The following HOOK2 variants were observed in gnomAD, a reference collection of about 807,000 sequenced individuals.
The protein encoded by HOOK2 is protein Hook homolog 2.
Under a neutral mutation model 111.9 loss-of-function variants are expected in HOOK2, and 108 were observed. The observed-to-expected ratio is 0.96, with a 90% confidence interval of 0.83 to 1.13. The LOEUF (loss-of-function observed/expected upper bound fraction) is 1.13, where lower values mean the gene tolerates loss of function less well. Ranked by LOEUF, HOOK2 falls within the 50% of genes most tolerant of loss-of-function variation. The pLI is 0.00. For missense variants in HOOK2, 978 were observed against 951.3 expected (o/e 1.03, Z -0.37); for synonymous variants, 405 against 394.3 (o/e 1.03, Z -0.32).
chr19:12,769,096 G>C (rs1968239766), intron 11 of HOOK2, among the ~76,000 whole-genome samples: 2 of 151,824 alleles, frequency 1.3e-5, no homozygotes, highest in African/African-American at 4.8e-5. Context: ...CTCCCGAGTA[G>C]CTGGGACTAC....
chr19:12,785,335 C>G (rs905968828), intron 3 of HOOK2, among the ~76,000 whole-genome samples: 5 of 151,472 alleles, frequency 3.3e-5, no homozygotes, highest in African/African-American at 9.7e-5. Flanking sequence ...TACACACATA[C>G]ATACAGACCA....
chr19:12,781,495 T>G (rs1015613776), upstream of HOOK2, among the ~76,000 whole-genome samples: 2 of 150,988 alleles, frequency 1.3e-5, no homozygotes, highest in Non-Finnish European at 3.0e-5. Flanking sequence ...CCTGGCTAAT[T>G]TTTTGTATTT....
chr19:12,784,108 G>A (rs1463986723), intron 3 of HOOK2, among the ~76,000 whole-genome samples: 1 of 152,172 alleles, frequency 6.6e-6, no homozygotes, highest in Non-Finnish European at 1.5e-5. Flanking sequence ...TGTGTCTCGG[G>A]AACATCCTGT....
Position 12,772,218 on chromosome 19 carries a change from G to A in HOOK2, c.491C>T (p.Pro164Leu). 1.2e-6 allele frequency: 2 copies of A among 1,613,926 alleles called. No individual in the cohort carries two copies. The highest frequency in any genetic ancestry group is 1.7e-6 in the Non-Finnish European group (2 of 1,179,784). ...GCTGTCAAAGTTGCCATACGTCTCT[G>A]GTGACAGGGAGTCAGGAGTGTCTTT... The part of the protein sequence containing the change: ...MTKDTPDSLS[P>L]ETYGNFDSQS... Residue 164 changes from proline (P) to leucine (L), a missense_variant, in exon 7 of 23, where the codon CCA (proline) becomes CTA (leucine). Pro to Leu is a moderately conservative substitution (Grantham distance 98, BLOSUM62 -3). Around this residue, in one of 5 missense-constraint regions of HOOK2, gnomAD observed 301 missense variants for 286.1 expected, o/e 1.05. Coordinates refer to ENST00000397668, the MANE Select transcript of HOOK2 (RefSeq NM_013312.3).
In HOOK2 at chr19:12,772,698, G is replaced by GCC; in HGVS notation, c.389-19_389-18insGG. 6.2e-7 allele frequency: 1 copy of GCC among 1,614,208 alleles called. No individual in the cohort carries two copies. ...GATGTGGTCTGGGGATCAAGGTGGG[G>GCC]GAGGCTGAGACCCAGGGGTGAGGTG... On this transcript the variant is annotated intron_variant, in intron 5 of 22. Transcript: ENST00000397668.
intron 11 of HOOK2, among the ~76,000 whole-genome samples, chr19:12,768,663 G>A (rs1276947182): frequency 6.6e-6 from 1 of 151,882 alleles, no homozygotes; most frequent in Admixed American, 6.6e-5. Flanking sequence ...GAAAACAGAT[G>A]GAATCTCGCT....
chr19:12,782,969 T>C (rs1321198621), upstream of HOOK2, among the ~76,000 whole-genome samples: 1 of 151,912 alleles, frequency 6.6e-6, no homozygotes, highest in Non-Finnish European at 1.5e-5. Context: ...ATCCTGCTTT[T>C]CCTCCAGCTG....
At chr19:12,773,930 T>C (rs1968412891) in intron 3 of HOOK2, 1 of 153,160 alleles carries the variant, frequency 6.5e-6, no homozygotes, top group Non-Finnish European at 1.5e-5. Context: ...ATCACGGCCT[T>C]TACATCTGCT....
At chr19:12,781,813 G>T (rs1026245654), upstream of HOOK2, among the ~76,000 whole-genome samples, 3 of 151,428 alleles carry the variant, frequency 2.0e-5, no homozygotes, top group Admixed American at 2.0e-4. Flanking sequence ...AAGCCCTGGT[G>T]TGCAAAACTG....
chr19:12,772,085 A>T lies in HOOK2; in HGVS notation c.519+105T>A, dbSNP rs993025237. The T allele has an allele frequency of 4.5e-6, 4 of 881,844 alleles. No individual in the cohort carries two copies. In the Admixed American group the frequency reaches 7.7e-5, roughly 17 times the overall value. The allele number at this position is 881,844 out of a possible 1,614,324, so 54.6% of individuals were successfully genotyped here. On this transcript the variant is annotated intron_variant, in intron 7 of 22. Transcript: ENST00000397668. ...TCTGTAAGTGGGGTCTGGACCTTTAACAAGGTTAAGTCACAAGGTTAATCA... is the reference window on the plus strand; with the variant it reads ...TCTGTAAGTGGGGTCTGGACCTTTATCAAGGTTAAGTCACAAGGTTAATCA...
chr19:12,784,982 A>T (rs1257704198), intron 3 of HOOK2: 2 of 152,404 alleles, frequency 1.3e-5, no homozygotes, highest in East Asian at 3.8e-4. Flanking sequence ...CCAGGAACAC[A>T]CACATGTGGG....
Position 12,770,916 on chromosome 19 carries a change from G to C in HOOK2, c.902+16C>G. On this transcript the variant is annotated intron_variant, in intron 10 of 22. Coordinates refer to ENST00000397668, the MANE Select transcript of HOOK2 (RefSeq NM_013312.3). ...CCCCGCCCCCCGTGATGGGGACCCA[G>C]GAACCCACCACTCACCGTAGTTCAT... 6.3e-7 allele frequency: 1 copy of C among 1,586,524 alleles called. No homozygotes were observed. Among genetic ancestry groups the C allele is most frequent in the Non-Finnish European group, 8.6e-7 (1 of 1,160,028 alleles).
chr19:12,770,151 C>A, intron 10 of HOOK2, 69 bp from the exon 11 acceptor site: 1 of 1,324,420 alleles, frequency 7.6e-7, no homozygotes, highest in Non-Finnish European at 9.9e-7. Flanking sequence ...TGTGGAGTGG[C>A]CCTTGGAGCA....
Position 12,769,892 on chromosome 19 carries a change from G to T in HOOK2, c.1093C>A (p.Gln365Lys). The T allele has an allele frequency of 6.8e-7, 1 of 1,471,466 alleles. No individual in the cohort carries two copies. 91.2% of individuals were successfully genotyped at this position (1,471,466 alleles called of 1,614,324 possible). ...CGCCCCCGCCGCACCTGCCGCCGCT[G>T]CGCCTCCAGCTGGGCGCGCAGGGAG... Reference protein sequence around the residue: ...AGSLRAQLEAQRRQVQELQGQ... With the variant: ...AGSLRAQLEAKRRQVQELQGQ... Residue 365 changes from glutamine to lysine, a missense_variant, in exon 11 of 23, where the codon CAG becomes AAG. Physicochemically the swap from Gln to Lys is moderately conservative, Grantham distance 53. This residue lies in a region of HOOK2 where 388 missense variants were observed against 358.3 expected (regional missense o/e 1.08). Coordinates refer to ENST00000397668, the MANE Select transcript of HOOK2 (RefSeq NM_013312.3).
At chr19:12,766,590 T>A (rs1346655825) in intron 14 of HOOK2, 2 of 277,052 alleles carry the variant, frequency 7.2e-6, no homozygotes, top group African/African-American at 4.4e-5. Context: ...AGTTTTGGCT[T>A]TTTGTTTGTT....
At chr19:12,771,908 AAAG>A (rs773979566) in intron 7 of HOOK2, 2 of 432,190 alleles carry the variant, frequency 4.6e-6, no homozygotes, top group South Asian at 8.2e-5. Context: ...AAGAAAAAGA[AAAG>A]AAAAGAAAAC....
At position 12,774,720 on chromosome 19, in the gene HOOK2, C is replaced by T. The variant is rs761110296; in HGVS notation, c.153G>A (p.Glu51=). The T allele has an allele frequency of 1.7e-5, 28 of 1,614,180 alleles. No individual in the cohort carries two copies. Among genetic ancestry groups the T allele is most frequent in the South Asian group, 2.2e-5 (2 of 91,084 alleles). ...LNQIDPSWFN[E]AWLQGISEDP... ...CTTCCGAGATGCCCTGGAGCCATGC[C>T]TCGTTGAACCAGGAGGGGTCTCTGG... is the stretch of plus-strand genomic sequence containing the variant. The change falls in exon 3 of 23, where the codon GAG becomes GAA. Residue 51 remains glutamate, a synonymous_variant. Coordinates refer to ENST00000397668, the MANE Select transcript of HOOK2 (RefSeq NM_013312.3).
rs560346739 is a variant in HOOK2, at chr19:12,771,831, G to C, written c.520-354C>G. On this transcript the variant is annotated intron_variant, in intron 7 of 22. Transcript: ENST00000397668. ...CGGGAGGCGGAGGTTGCAGTGAGCC[G>C]AGATCGTGCCACTGCACTCCAGCCT... 2.0e-4 allele frequency: 66 copies of C among 337,828 alleles called. 1 individual carries two copies. Among genetic ancestry groups the C allele is most frequent in the Non-Finnish European group, 3.4e-4 (61 of 181,372 alleles). The allele number at this position is 337,828 out of a possible 1,614,324, so 20.9% of individuals were successfully genotyped here. A position where few individuals can be genotyped will look rare whatever the true frequency, so the allele number is the denominator to read the frequency against.
chr19:12,782,649 G>A (rs1486730196), upstream of HOOK2, among the ~76,000 whole-genome samples: 1 of 152,134 alleles, frequency 6.6e-6, no homozygotes, highest in Non-Finnish European at 1.5e-5. Flanking sequence ...CACTGGCTGC[G>A]TGCGCGCGTG....
Sources: allele counts gnomAD v4.1 joint callset (sites outside exome capture counted in the v4.1 genomes callset), GRCh38; gene constraint gnomAD v4.1.1; regional missense constraint gnomAD v4.1.1; transcripts MANE v1.5; gene names NCBI Gene and HGNC (gene_info 2026-07-23, HGNC 2026-07-21).